The following DLGAP2 variants were observed in gnomAD, a reference collection of about 807,000 sequenced individuals.
DLGAP2 encodes the protein disks large-associated protein 2.
Under a neutral mutation model 100.3 loss-of-function variants are expected in DLGAP2, and 26 were observed. The observed-to-expected ratio is 0.26, with a 90% CI of 0.19 to 0.36. The LOEUF (loss-of-function observed/expected upper bound fraction) is 0.36. DLGAP2 is among the 10% of genes least tolerant of loss of function. The probability of loss-of-function intolerance (pLI) is 1.00; values close to 1 mark genes in which losing one functional copy is unlikely to be tolerated. For synonymous variants in DLGAP2, 886 were observed against 630.1 expected, an observed-to-expected ratio of 1.41 and a Z score of -6.08; for missense variants, 1,858 against 1,453.2, an observed-to-expected ratio of 1.28 and a Z score of -4.53.
intron 8 of DLGAP2, among the ~76,000 whole-genome samples, chr8:1,638,596 T>C (rs925721335): frequency 1.3e-5 from 2 of 152,062 alleles, no homozygotes; most frequent in African/African-American, 4.8e-5. Context: ...TGAGAAGGGA[T>C]GAGGCCGGGC....
chr8:1,145,830 T>C lies in DLGAP2; in HGVS notation c.74-113021T>C, dbSNP rs1031988564. ...TTCCTGTGTCCATGTGTTCTCATTG[T>C]TCAATTCCCACCTATGAGTGAGAAT... On this transcript the variant is annotated intron_variant, in intron 2 of 14. Transcript: ENST00000637795. Among the ~76,000 whole-genome samples, 6 of 145,016 alleles carry C rather than the reference T, an allele frequency of 4.1e-5. No individual in the cohort carries two copies. In the South Asian group the frequency reaches 1.4e-3, roughly 33 times the overall value.
chr8:856,829 C>T (rs1264443045), intron 1 of DLGAP2, among the ~76,000 whole-genome samples: 2 of 152,218 alleles, frequency 1.3e-5, no homozygotes, highest in South Asian at 4.2e-4. Flanking sequence ...CAGCGCAGTC[C>T]CCATCAGGAT....
At position 1,678,283 on chromosome 8, in the gene DLGAP2, C is replaced by T. The variant is rs769559834; in HGVS notation, c.2358C>T (p.Phe786=). 1.6e-5 allele frequency: 26 copies of T among 1,613,770 alleles called. No individual in the cohort carries two copies. Among genetic ancestry groups the T allele is most frequent in the Non-Finnish European group, 2.2e-5 (26 of 1,179,776 alleles). ...AAGCTGACCTGGAGCTGGAGGGGTT[C>T]CCAGGCCACATCACCACGGAGGACA... ...AVQADLELEG[F]PGHITTEDKG... Residue 786 remains phenylalanine (F), a synonymous_variant, in exon 12 of 15, where the codon TTC becomes TTT. Transcript: ENST00000637795.
intron 1 of DLGAP2, among the ~76,000 whole-genome samples, chr8:846,539 G>A (rs147075320): frequency 7.6e-4 from 115 of 152,246 alleles, no homozygotes; most frequent in African/African-American, 2.2e-3. Flanking sequence ...ATCTTTTGGC[G>A]TGTGACAGTT....
At chr8:1,525,040 G>A (rs1260613607) in intron 4 of DLGAP2, among the ~76,000 whole-genome samples, 1 of 152,012 alleles carries the variant, frequency 6.6e-6, no homozygotes, top group Non-Finnish European at 1.5e-5. Flanking sequence ...CCTTTACTTT[G>A]CTTCCATTGT....
chr8:1,443,721 G>A (rs1414175089), intron 3 of DLGAP2, among the ~76,000 whole-genome samples: 1 of 152,082 alleles, frequency 6.6e-6, no homozygotes, highest in South Asian at 2.1e-4. Flanking sequence ...AATCTAGTGA[G>A]ACTTACTACC....
intron 4 of DLGAP2, among the ~76,000 whole-genome samples, chr8:1,529,783 A>T (rs151218846): frequency 6.6e-6 from 1 of 152,354 alleles, no homozygotes; most frequent in African/African-American, 2.4e-5. Context: ...GGCCAGCTTG[A>T]GAAATAAAGG....
chr8:1,600,482 C>T (rs1286510656), intron 6 of DLGAP2, among the ~76,000 whole-genome samples: 1 of 152,116 alleles, frequency 6.6e-6, no homozygotes, highest in Non-Finnish European at 1.5e-5. Flanking sequence ...AGCTTGGTTC[C>T]ATTCTCCCCG....
chr8:1,509,723 C>A (rs191273669), intron 4 of DLGAP2, among the ~76,000 whole-genome samples: 314 of 152,214 alleles, frequency 2.1e-3, no homozygotes, highest in Non-Finnish European at 3.2e-3. Flanking sequence ...GGATCGTAAC[C>A]TTCCTACCTC....
intron 3 of DLGAP2, among the ~76,000 whole-genome samples, chr8:1,346,458 G>C (rs1376965174): frequency 6.7e-6 from 1 of 149,394 alleles, no homozygotes; most frequent in African/African-American, 2.5e-5. Flanking sequence ...TCTCATGGCA[G>C]CTATGTGGAG....
chr8:955,897 G>A (rs1191691739), intron 2 of DLGAP2, among the ~76,000 whole-genome samples: 4 of 152,168 alleles, frequency 2.6e-5, no homozygotes, highest in African/African-American at 9.7e-5. Flanking sequence ...TGAGTGGCAT[G>A]TGTTGCTCGG....
intron 2 of DLGAP2, among the ~76,000 whole-genome samples, chr8:1,083,434 T>C (rs1278421344): frequency 6.6e-6 from 1 of 152,204 alleles, no homozygotes; most frequent in African/African-American, 2.4e-5. Flanking sequence ...TTACGGGGGG[T>C]TTGAAGTCAT....
chr8:1,423,196 C>T (rs988008954), intron 3 of DLGAP2, among the ~76,000 whole-genome samples: 3 of 152,098 alleles, frequency 2.0e-5, no homozygotes, highest in African/African-American at 7.2e-5. Context: ...TGAATTCAAC[C>T]AGCAGAGATT....
chr8:1,161,699 C>G (rs906952941), intron 2 of DLGAP2, among the ~76,000 whole-genome samples: 3 of 152,230 alleles, frequency 2.0e-5, no homozygotes, highest in African/African-American at 7.2e-5. Context: ...GGGTCCATGT[C>G]TCTGTCTCAG....
At chr8:807,963 G>T (rs139913007) in intron 1 of DLGAP2, among the ~76,000 whole-genome samples, 1 of 152,154 alleles carries the variant, frequency 6.6e-6, no homozygotes, top group East Asian at 1.9e-4. Flanking sequence ...TAGCAGTGAG[G>T]CCACTTTCTA....
intron 6 of DLGAP2, among the ~76,000 whole-genome samples, chr8:1,609,245 T>C (rs1417631638): frequency 1.4e-5 from 2 of 143,400 alleles, no homozygotes; most frequent in East Asian, 2.3e-4. Context: ...TCAACATTCT[T>C]GAAGAAAAGA....
At chr8:1,164,372 A>AT (rs1404087826) in intron 2 of DLGAP2, among the ~76,000 whole-genome samples, 1 of 149,326 alleles carries the variant, frequency 6.7e-6, no homozygotes, top group African/African-American at 2.5e-5. Context: ...GTTTGTGGGG[A>AT]TTTTTCTGTG....
At chr8:1,168,590 A>G (rs1342442552) in intron 2 of DLGAP2, among the ~76,000 whole-genome samples, 42 of 148,650 alleles carry the variant, frequency 2.8e-4, no homozygotes, top group African/African-American at 8.2e-4. Context: ...GTGTGAGATG[A>G]TATCTCATTG....
chr8:769,080 C>T (rs1192260367), intron 1 of DLGAP2, among the ~76,000 whole-genome samples: 4 of 152,072 alleles, frequency 2.6e-5, no homozygotes, highest in African/African-American at 9.7e-5. Context: ...TGGTCCCGCA[C>T]AAGCAGGTGG....
Sources: allele counts gnomAD v4.1 joint callset (sites outside exome capture counted in the v4.1 genomes callset), GRCh38; gene constraint gnomAD v4.1.1; transcripts MANE v1.5; gene names NCBI Gene and HGNC (gene_info 2026-07-23, HGNC 2026-07-21).